Variants in SLCO1A2 observed in about 807,000 individuals in gnomAD.
SLCO1A2 encodes the protein OATP-1.
SLCO1A2 carries 67 observed loss-of-function variants against 69.0 expected under a neutral mutation model. The observed-to-expected ratio is 0.97, with a 90% confidence interval of 0.80 to 1.19. The LOEUF is 1.19. SLCO1A2 is among the 50% of genes most tolerant of loss of function. The pLI is 0.00. For synonymous variants in SLCO1A2, 260 were observed against 265.9 expected, an observed-to-expected ratio of 0.98 and a Z score of 0.22; for missense variants, 787 against 793.7, an observed-to-expected ratio of 0.99 and a Z score of 0.10.
chr12:21,271,714 C>A (rs1942885337), intron 14 of SLCO1A2, among the ~76,000 whole-genome samples: 1 of 144,034 alleles, frequency 6.9e-6, no homozygotes. Flanking sequence ...TGTGTATATA[C>A]ATGTGAATAT....
At chr12:21,397,358 C>T (rs552249207), upstream of SLCO1A2, among the ~76,000 whole-genome samples, 2 of 152,154 alleles carry the variant, frequency 1.3e-5, no homozygotes, top group East Asian at 3.9e-4. Flanking sequence ...TACAGGAGCA[C>T]CAAGATTCAT....
intron 1 of SLCO1A2, among the ~76,000 whole-genome samples, chr12:21,394,561 A>G (rs140558697): frequency 2.8e-5 from 3 of 108,342 alleles, no homozygotes; most frequent in East Asian, 5.1e-4. Context: ...ACACGCACAC[A>G]CACACACACA....
chr12:21,273,775 C>T (rs1308503073), intron 14 of SLCO1A2, among the ~76,000 whole-genome samples: 1 of 152,150 alleles, frequency 6.6e-6, no homozygotes, highest in Non-Finnish European at 1.5e-5. Flanking sequence ...TCTCCCCATA[C>T]TTCTTGATAT....
At position 21,295,905 on chromosome 12, in the gene SLCO1A2, TGAA is replaced by T. The variant is rs1376455383; in HGVS notation, c.1076-116_1076-114del. The T allele has an allele frequency of 4.1e-5, 25 of 606,154 alleles. No individual in the cohort carries two copies. In the Middle Eastern group the frequency reaches 1.3e-3, roughly 32 times the overall value. 37.5% of individuals were successfully genotyped at this position (606,154 alleles called of 1,614,324 possible). On this transcript the variant is annotated intron_variant, in intron 9 of 14. Coordinates refer to ENST00000683939, the MANE Select transcript of SLCO1A2 (RefSeq NM_001386879.1). ...GTAACTATTTAGGTCCAACTCATAG[TGAA>T]GAAGAATGATTTAATTTTATCCCCA... is the stretch of plus-strand genomic sequence containing the variant.
chr12:21,406,057 TG>T (rs1565534265), intron 1 of SLCO1A2, among the ~76,000 whole-genome samples: 2 of 152,234 alleles, frequency 1.3e-5, no homozygotes, highest in African/African-American at 4.8e-5. Context: ...TTACTACTCA[TG>T]GATTTTGTCT....
At chr12:21,340,446 A>G (rs1278012121) in intron 2 of SLCO1A2, among the ~76,000 whole-genome samples, 1 of 152,044 alleles carries the variant, frequency 6.6e-6, no homozygotes, top group Non-Finnish European at 1.5e-5. Flanking sequence ...GAATAGTAAA[A>G]TGTTTCCACG....
chr12:21,339,556 T>C (rs2857467), upstream of SLCO1A2, among the ~76,000 whole-genome samples: 151,673 of 151,998 alleles, frequency 1, 75,675 homozygotes, highest in Middle Eastern at 1. Context: ...ATAGAACTCA[T>C]AATAGATAAT....
intron 1 of SLCO1A2, among the ~76,000 whole-genome samples, chr12:21,380,788 A>C (rs972161041): frequency 6.6e-6 from 1 of 152,144 alleles, no homozygotes; most frequent in African/African-American, 2.4e-5. Flanking sequence ...GAGTAACCTG[A>C]GTGAGTTAGG....
intron 2 of SLCO1A2, among the ~76,000 whole-genome samples, chr12:21,365,609 C>A (rs912044653): frequency 6.6e-6 from 1 of 152,086 alleles, no homozygotes; most frequent in African/African-American, 2.4e-5. Flanking sequence ...AGTGAACAGG[C>A]AACCTACAGA....
chr12:21,340,023 A>G (rs1003632620), intron 2 of SLCO1A2, among the ~76,000 whole-genome samples: 7 of 152,022 alleles, frequency 4.6e-5, no homozygotes, highest in Admixed American at 2.0e-4. Context: ...AAGGGTCGCT[A>G]TTCATATTTA....
intron 3 of SLCO1A2, among the ~76,000 whole-genome samples, chr12:21,317,286 A>G (rs1435023144): frequency 6.6e-6 from 1 of 152,152 alleles, no homozygotes; most frequent in African/African-American, 2.4e-5. Flanking sequence ...GCAGGCTCAC[A>G]TTCCTAATCC....
At chr12:21,366,492 T>C (rs528219387) in intron 2 of SLCO1A2, among the ~76,000 whole-genome samples, 2 of 152,280 alleles carry the variant, frequency 1.3e-5, no homozygotes, top group African/African-American at 4.8e-5. Context: ...CACGTATTCC[T>C]ATGTAACAAA....
Position 21,301,105 on chromosome 12 carries a change from TATG to T in SLCO1A2, c.688+63_688+65del, listed in dbSNP as rs1230098123. ...AAGGTCAAGTAAGGCCATGATTATA[TATG>T]ATAACATACCTGAGATGCTTTGTAT... is the stretch of plus-strand genomic sequence containing the variant. On this transcript the variant is annotated intron_variant, in intron 7 of 14. Coordinates refer to ENST00000683939, the MANE Select transcript of SLCO1A2 (RefSeq NM_001386879.1). 3.2e-6 allele frequency: 3 copies of T among 947,980 alleles called. No individual in the cohort carries two copies. The African/African-American group carries it at 5.1e-5, about 16-fold the overall frequency. 58.7% of individuals were successfully genotyped at this position (947,980 alleles called of 1,614,324 possible). A position where few individuals can be genotyped will look rare whatever the true frequency, so the allele number is the denominator to read the frequency against.
At chr12:21,363,020 A>T (rs141278823) in intron 2 of SLCO1A2, among the ~76,000 whole-genome samples, 7,858 of 152,208 alleles carry the variant, frequency 0.052, 285 homozygotes, top group Non-Finnish European at 0.079. Context: ...TCCAGGAATT[A>T]AACTCAGCTC....
chr12:21,392,321 T>G (rs1293495522), intron 1 of SLCO1A2, among the ~76,000 whole-genome samples: 1 of 152,220 alleles, frequency 6.6e-6, no homozygotes, highest in African/African-American at 2.4e-5. Context: ...CATCGCTGGC[T>G]GGGGTGAAGC....
At chr12:21,400,858 C>T (rs1451236708) in intron 1 of SLCO1A2, among the ~76,000 whole-genome samples, 1 of 122,708 alleles carries the variant, frequency 8.1e-6, no homozygotes, top group Non-Finnish European at 1.6e-5. Context: ...AGGGGAATAT[C>T]ACACTCTGGG....
chr12:21,415,120 T>A (rs1941969443), intron 1 of SLCO1A2, among the ~76,000 whole-genome samples: 1 of 152,226 alleles, frequency 6.6e-6, no homozygotes, highest in South Asian at 2.1e-4. Flanking sequence ...TTATTTTCTT[T>A]AATTATTGAT....
intron 10 of SLCO1A2, 65 bp downstream of exon 10, chr12:21,295,532 A>G (rs987768552): frequency 9.9e-7 from 1 of 1,009,518 alleles, no homozygotes; most frequent in East Asian, 2.4e-5. Context: ...GTGCATTGCC[A>G]TTGTAAAAAA....
chr12:21,401,967 A>C (rs1296548351), intron 1 of SLCO1A2, among the ~76,000 whole-genome samples: 1 of 151,668 alleles, frequency 6.6e-6, no homozygotes, highest in Non-Finnish European at 1.5e-5. Flanking sequence ...TGATTTTATA[A>C]TTATAATTAG....
Sources: gnomAD v4.1 joint callset for allele counts (sites outside exome capture counted in the v4.1 genomes callset) on GRCh38, gnomAD v4.1.1 for gene constraint, MANE v1.5 for transcripts, NCBI Gene and HGNC (gene_info 2026-07-23, HGNC 2026-07-21) for gene names.